FGFR2: variants seen among roughly 807,000 people sequenced by gnomAD.
FGFR2 encodes fibroblast growth factor receptor 2.
A neutral mutation model predicts 95.9 loss-of-function variants in FGFR2; 19 were observed. The ratio of observed to expected loss-of-function variants is 0.20; its 90% CI spans 0.14 to 0.29. FGFR2 has a LOEUF of 0.29. Among genes scored for constraint, FGFR2 ranks in the 10% least tolerant of loss-of-function variants. The pLI is 1.00. For missense variants in FGFR2, 707 were observed against 1,056.9 expected (o/e 0.67, Z 4.59); for synonymous variants, 392 against 393.3 (o/e 1.00, Z 0.04).
rs148685299 is a variant in FGFR2, at chr10:121,496,893, G to A, written c.1673-171C>T. On this transcript the variant is annotated intron_variant, in intron 12 of 17. Coordinates refer to ENST00000358487, the MANE Select transcript of FGFR2 (RefSeq NM_000141.5). ...TATCTGTAATCCCAGCCCTTACAGA[G>A]GCCGAGGCAGGTGGATCACATGAGG... 0.014 allele frequency among the ~76,000 whole-genome samples: 2,047 copies of A among 150,808 alleles called. 75 individuals carry two copies. The highest frequency in any genetic ancestry group is 0.074 in the Admixed American group (1,118 of 15,144).
intron 12 of FGFR2, 26 bp from the exon 13 acceptor site, chr10:121,496,748 T>TA (rs1846875045): frequency 6.2e-7 from 1 of 1,606,388 alleles, no homozygotes; most frequent in South Asian, 1.1e-5. Context: ...AGAAGCTCCC[T>TA]AAAGAGAGAA....
Position 121,573,871 on chromosome 10 carries a change from C to T in FGFR2, c.110-8167G>A, listed in dbSNP as rs41302281. Among the ~76,000 whole-genome samples the T allele has an allele frequency of 1.8e-3, 273 of 152,256 alleles. 1 individual carries two copies. The highest frequency in any genetic ancestry group is 6.2e-3 in the African/African-American group (259 of 41,538). On this transcript the variant is annotated intron_variant, in intron 2 of 17. Coordinates refer to ENST00000358487, the MANE Select transcript of FGFR2 (RefSeq NM_000141.5). ...GGTGCCCTCCCACACCTCCTGCCAC[C>T]TTGTACAGAGTAAATGTCACGGCTG...
chr10:121,529,720 T>C (rs927206606), intron 6 of FGFR2, among the ~76,000 whole-genome samples: 15 of 152,176 alleles, frequency 9.9e-5, no homozygotes, highest in African/African-American at 3.6e-4. Flanking sequence ...TGGAGTTCCA[T>C]CAAGATCTAG....
intron 2 of FGFR2, among the ~76,000 whole-genome samples, chr10:121,572,176 A>AAAAT (rs1858900994): frequency 1.4e-5 from 2 of 145,512 alleles, no homozygotes; most frequent in Non-Finnish European, 1.5e-5. Context: ...AAAAAAAAAA[A>AAAAT]AGCCGGGAAT....
intron 2 of FGFR2, among the ~76,000 whole-genome samples, chr10:121,591,742 A>C (rs1335582021): frequency 6.6e-6 from 1 of 152,204 alleles, no homozygotes; most frequent in Non-Finnish European, 1.5e-5. Flanking sequence ...AAAAATGCAC[A>C]AAAGGACATT....
At chr10:121,495,525 T>C (rs937331424) in intron 13 of FGFR2, among the ~76,000 whole-genome samples, 2 of 151,878 alleles carry the variant, frequency 1.3e-5, no homozygotes, top group African/African-American at 4.8e-5. Context: ...GAAAAAACCA[T>C]CCAGAACATG....
chr10:121,518,585 C>G lies in FGFR2; in HGVS notation c.940-1122G>C. On this transcript the variant is annotated intron_variant, in intron 7 of 17. Coordinates refer to ENST00000358487, the MANE Select transcript of FGFR2 (RefSeq NM_000141.5). The surrounding 1 kb of genome is among the most constrained non-coding windows in gnomAD (Gnocchi z 4.0). ...AATATACCAAGGCCACAAGAGTTAT[C>G]CTATAAGCTGCCTGCAGTCTCCCAA... The G allele has an allele frequency of 2.2e-6, 3 of 1,380,504 alleles. No homozygotes were observed. The East Asian group carries it at 7.0e-5, about 32-fold the overall frequency. 85.5% of individuals were successfully genotyped at this position (1,380,504 alleles called of 1,614,324 possible).
Position 121,478,905 on chromosome 10 carries a change from C to A in FGFR2, c.*952G>T, listed in dbSNP as rs1844333123. 3 of 233,396 alleles carry A rather than the reference C, an allele frequency of 1.3e-5. No individual in the cohort carries two copies. Among genetic ancestry groups the A allele is most frequent in the African/African-American group, 6.6e-5 (3 of 45,324 alleles). 14.5% of individuals were successfully genotyped at this position (233,396 alleles called of 1,614,324 possible). A position where few individuals can be genotyped will look rare whatever the true frequency, so the allele number is the denominator to read the frequency against. On this transcript the variant is annotated 3_prime_UTR_variant, in exon 18 of 18. Coordinates refer to ENST00000358487, the MANE Select transcript of FGFR2 (RefSeq NM_000141.5). ...GCATCTTTTAAGAGGACGCTGGTAC[C>A]ATTTATCTTGGGAAGTCCAGTTAGA...
chr10:121,523,567 T>G (rs905598891), intron 6 of FGFR2, among the ~76,000 whole-genome samples: 12 of 152,202 alleles, frequency 7.9e-5, no homozygotes, highest in African/African-American at 1.2e-4. Flanking sequence ...TCCTCTGGGC[T>G]AGATCCTGCC....
intron 9 of FGFR2, among the ~76,000 whole-genome samples, chr10:121,510,268 C>T (rs1589804296): frequency 6.6e-6 from 1 of 152,164 alleles, no homozygotes; most frequent in Non-Finnish European, 1.5e-5. Flanking sequence ...CATGACGCAC[C>T]AGCCCCAGAT....
intron 15 of FGFR2, among the ~76,000 whole-genome samples, chr10:121,487,049 G>A (rs538455449): frequency 6.6e-6 from 1 of 152,344 alleles, no homozygotes; most frequent in Non-Finnish European, 1.5e-5. Flanking sequence ...AACATGCCAA[G>A]AGCTTGGCGA....
chr10:121,534,091 CTTTTTTTT>C (rs1022674124), intron 6 of FGFR2, among the ~76,000 whole-genome samples: 7 of 92,116 alleles, frequency 7.6e-5, no homozygotes, highest in South Asian at 3.7e-4. Flanking sequence ...CCCAAAATGG[CTTTTTTTT>C]TTTTTTTTTT....
chr10:121,482,879 A>C (rs572408999), intron 17 of FGFR2, among the ~76,000 whole-genome samples: 2 of 152,188 alleles, frequency 1.3e-5, no homozygotes, highest in African/African-American at 4.8e-5. Flanking sequence ...GTCACTGCAA[A>C]CTTCACCTCC....
chr10:121,509,434 CCTTT>C (rs1848738807), intron 9 of FGFR2, among the ~76,000 whole-genome samples: 1 of 109,710 alleles, frequency 9.1e-6, no homozygotes, highest in Non-Finnish European at 2.0e-5. Context: ...TTTTTTTTTT[CCTTT>C]CTTTTTAAAG....
intron 6 of FGFR2, among the ~76,000 whole-genome samples, chr10:121,533,234 A>C (rs1852336432): frequency 6.6e-6 from 1 of 152,296 alleles, no homozygotes; most frequent in East Asian, 1.9e-4. Context: ...ACTAAAAACT[A>C]CAAAAACTAG....
intron 2 of FGFR2, among the ~76,000 whole-genome samples, chr10:121,567,466 T>C (rs1053870142): frequency 5.3e-5 from 8 of 152,242 alleles, no homozygotes; most frequent in Admixed American, 1.3e-4. Flanking sequence ...TCAGTAATTA[T>C]TTACTGCATG....
At chr10:121,484,512 G>A (rs41294227) in intron 16 of FGFR2, among the ~76,000 whole-genome samples, 59 of 152,206 alleles carry the variant, frequency 3.9e-4, no homozygotes, top group African/African-American at 1.2e-3. Context: ...AGACATCCAC[G>A]GTACACCGAA....
chr10:121,574,966 T>C (rs1859481042), intron 2 of FGFR2, among the ~76,000 whole-genome samples: 1 of 152,220 alleles, frequency 6.6e-6, no homozygotes, highest in Non-Finnish European at 1.5e-5. Context: ...AAGTCGGGAC[T>C]GAAACCTCCC....
intron 5 of FGFR2, among the ~76,000 whole-genome samples, chr10:121,543,779 C>T (rs765849660): frequency 7.2e-5 from 11 of 152,072 alleles, no homozygotes; most frequent in Non-Finnish European, 1.0e-4. Flanking sequence ...ATCTGATCCT[C>T]GGGACCAGTG....
Sources: gnomAD v4.1 joint callset for allele counts (sites outside exome capture counted in the v4.1 genomes callset) on GRCh38, gnomAD v4.1.1 for gene constraint, Gnocchi (gnomAD v3.1) non-coding constraint, MANE v1.5 for transcripts, NCBI Gene and HGNC (gene_info 2026-07-23, HGNC 2026-07-21) for gene names.